LINGO2: variants seen among roughly 807,000 people sequenced by gnomAD.
The protein encoded by LINGO2 is leucine-rich repeat and immunoglobulin-like domain-containing nogo receptor-interacting protein 2.
In LINGO2, 14 loss-of-function variants were observed where a neutral mutation model predicts 30.6. The observed-to-expected ratio is 0.46, with a 90% CI of 0.30 to 0.72. LINGO2 has a LOEUF of 0.72. LINGO2 is among the 30% of genes least tolerant of loss of function. The pLI, the probability that LINGO2 is intolerant of heterozygous loss-of-function variation, is 0.07. For synonymous variants in LINGO2, 317 were observed against 288.5 expected (o/e 1.10, Z -1.00); for missense variants, 729 against 751.7 (o/e 0.97, Z 0.35).
At chr9:28,811,533 C>T in the LINGO2 span, among the ~76,000 whole-genome samples, 2 of 152,132 alleles carry the variant, frequency 1.3e-5, no homozygotes, top group African/African-American at 2.4e-5. Flanking sequence ...TAATCTGTTC[C>T]CATTCATTTA....
At chr9:29,099,447 C>T in the LINGO2 span, among the ~76,000 whole-genome samples, 1 of 152,048 alleles carries the variant, frequency 6.6e-6, no homozygotes, top group East Asian at 1.9e-4. Flanking sequence ...GAAGATACAA[C>T]CCATAGAATG....
intron 4 of LINGO2, among the ~76,000 whole-genome samples, chr9:28,099,664 T>G (rs1826352403): frequency 6.6e-6 from 1 of 152,212 alleles, no homozygotes; most frequent in African/African-American, 2.4e-5. Flanking sequence ...CAAGAATGAT[T>G]TTTAAAAGGC....
chr9:28,314,062 G>T (rs973854960), intron 3 of LINGO2, among the ~76,000 whole-genome samples: 1 of 152,084 alleles, frequency 6.6e-6, no homozygotes, highest in Non-Finnish European at 1.5e-5. Flanking sequence ...AGCCTCCCGC[G>T]TAGCTGGGAC....
intron 1 of LINGO2, among the ~76,000 whole-genome samples, chr9:28,648,917 G>C (rs1332599763): frequency 6.6e-6 from 1 of 152,032 alleles, no homozygotes; most frequent in Admixed American, 6.6e-5. Flanking sequence ...TATAGAAATG[G>C]TAGGGGGCGG....
chr9:28,952,043 C>A, the LINGO2 span, among the ~76,000 whole-genome samples: 1 of 152,028 alleles, frequency 6.6e-6, no homozygotes, highest in Non-Finnish European at 1.5e-5. Flanking sequence ...GGGTCTCTGA[C>A]ATTAGTTCTC....
the LINGO2 span, among the ~76,000 whole-genome samples, chr9:28,876,220 G>A: frequency 2.8e-4 from 42 of 151,850 alleles, no homozygotes; most frequent in African/African-American, 9.2e-4. Flanking sequence ...AGAGAGTCAT[G>A]CCTACGATAT....
At chr9:28,725,903 T>C in the LINGO2 span, among the ~76,000 whole-genome samples, 1 of 152,106 alleles carries the variant, frequency 6.6e-6, no homozygotes, top group Admixed American at 6.6e-5. Context: ...ACCAAGGTTA[T>C]AAGCACTGAA....
At chr9:28,716,402 A>G in the LINGO2 span, among the ~76,000 whole-genome samples, 1 of 152,154 alleles carries the variant, frequency 6.6e-6, no homozygotes, top group Non-Finnish European at 1.5e-5. Flanking sequence ...GACTAAGTAA[A>G]TCTTATGACA....
the LINGO2 span, among the ~76,000 whole-genome samples, chr9:28,696,041 G>A: frequency 6.6e-5 from 10 of 151,674 alleles, no homozygotes; most frequent in Non-Finnish European, 1.3e-4. Context: ...TTTCCCCTCA[G>A]TTGTGAACCT....
At chr9:28,932,135 G>A in the LINGO2 span, among the ~76,000 whole-genome samples, 101,667 of 137,760 alleles carry the variant, frequency 0.74, 37,426 homozygotes, top group Non-Finnish European at 0.77. Flanking sequence ...AATAAAATAA[G>A]ATAAAATAAA....
chr9:28,543,610 G>C (rs1354090908), intron 1 of LINGO2, among the ~76,000 whole-genome samples: 1 of 152,048 alleles, frequency 6.6e-6, no homozygotes, highest in Non-Finnish European at 1.5e-5. Flanking sequence ...AAAGGTATAT[G>C]AATGTATAAA....
chr9:28,441,256 T>A (rs889788805), intron 2 of LINGO2, among the ~76,000 whole-genome samples: 1 of 34,742 alleles, frequency 2.9e-5, no homozygotes, highest in Admixed American at 4.0e-4. Flanking sequence ...GGAGGCTTTT[T>A]TTTTTTTTTT....
At chr9:28,460,771 A>G (rs959318791) in intron 2 of LINGO2, among the ~76,000 whole-genome samples, 3 of 152,126 alleles carry the variant, frequency 2.0e-5, no homozygotes, top group Non-Finnish European at 4.4e-5. Context: ...ATGGTATTCT[A>G]CAGCAATGAA....
At chr9:29,039,600 T>C in the LINGO2 span, among the ~76,000 whole-genome samples, 2 of 152,164 alleles carry the variant, frequency 1.3e-5, no homozygotes, top group Non-Finnish European at 2.9e-5. Context: ...TTTCTCTGAC[T>C]TTTTAGTATC....
At chr9:28,966,452 T>C in the LINGO2 span, among the ~76,000 whole-genome samples, 1 of 152,132 alleles carries the variant, frequency 6.6e-6, no homozygotes, top group South Asian at 2.1e-4. Flanking sequence ...GGATATTTTT[T>C]TTCCAGATAA....
chr9:28,420,338 C>T (rs1392897769), intron 2 of LINGO2, among the ~76,000 whole-genome samples: 6 of 152,014 alleles, frequency 3.9e-5, no homozygotes, highest in Non-Finnish European at 8.8e-5. Flanking sequence ...TGATAATTAG[C>T]AATGCCATTT....
chr9:28,546,310 AT>A (rs1285968567), intron 1 of LINGO2, among the ~76,000 whole-genome samples: 2 of 152,132 alleles, frequency 1.3e-5, no homozygotes, highest in African/African-American at 2.4e-5. Flanking sequence ...CATTAAAAAA[AT>A]ATTTAATCAG....
chr9:29,093,391 A>C, the LINGO2 span, among the ~76,000 whole-genome samples: 1 of 133,692 alleles, frequency 7.5e-6, no homozygotes, highest in African/African-American at 2.8e-5. Context: ...TATCAGTATT[A>C]TTATTATTAT....
chr9:28,605,542 T>G (rs1240970782), intron 1 of LINGO2, among the ~76,000 whole-genome samples: 1 of 152,056 alleles, frequency 6.6e-6, no homozygotes. Context: ...CACTAAAATG[T>G]AAGTTCCTGG....
Sources: allele counts gnomAD v4.1 joint callset (sites outside exome capture counted in the v4.1 genomes callset), GRCh38; gene constraint gnomAD v4.1.1; transcripts MANE v1.5; gene names NCBI Gene and HGNC (gene_info 2026-07-23, HGNC 2026-07-21).